CRYBG3: variants seen among roughly 807,000 people sequenced by gnomAD.
CRYBG3 encodes very large A-kinase anchor protein.
In CRYBG3, 127 loss-of-function variants were observed where a neutral mutation model predicts 244.2. The observed-to-expected ratio is 0.52, with a 90% CI of 0.45 to 0.60. CRYBG3 has a LOEUF of 0.60. Among genes scored for constraint, CRYBG3 ranks in the 20% least tolerant of loss-of-function variants. The pLI, the probability that CRYBG3 is intolerant of heterozygous loss-of-function variation, is 0.00. For synonymous variants in CRYBG3, 1,132 were observed against 1,195.8 expected (o/e 0.95, Z 1.10); for missense variants, 3,325 against 3,442.5 (o/e 0.97, Z 0.85).
Position 97,875,986 on chromosome 3 carries a change from T to C in CRYBG3, c.4792T>C (p.Tyr1598His). ...KANVFKMGEV[Y>H]QMDAESCIEK... ...TAATGTTTTTAAAATGGGAGAAGTATACCAAATGGATGCCGAGAGCTGTAT... is the reference window on the plus strand; with the variant it reads ...TAATGTTTTTAAAATGGGAGAAGTACACCAAATGGATGCCGAGAGCTGTAT... The change falls in exon 4 of 22, where the codon TAC becomes CAC. Residue 1598 changes from tyrosine to histidine, a missense_variant. By Grantham distance (83) the Tyr-to-His change is moderately conservative (BLOSUM62 2). Transcript: ENST00000389622. 1.6e-6 allele frequency: 2 copies of C among 1,232,002 alleles called. No individual in the cohort carries two copies. The highest frequency in any genetic ancestry group is 2.0e-6 in the Non-Finnish European group (2 of 987,924). 76.3% of individuals were successfully genotyped at this position (1,232,002 alleles called of 1,614,324 possible).
chr3:97,884,074 T>A (rs966410040), intron 7 of CRYBG3, among the ~76,000 whole-genome samples: 2 of 152,194 alleles, frequency 1.3e-5, no homozygotes, highest in African/African-American at 4.8e-5. Flanking sequence ...TTTGTTACTG[T>A]AACTCAGATC....
chr3:97,939,581 CTGAGT>C (rs1429551814), intron 19 of CRYBG3, among the ~76,000 whole-genome samples: 3 of 152,090 alleles, frequency 2.0e-5, no homozygotes, highest in Middle Eastern at 3.4e-3. Context: ...AGTACCTTGC[CTGAGT>C]TAATTGATTA....
At chr3:97,900,347 CAAAAA>C (rs2039691808) in intron 14 of CRYBG3, 101 bp from the exon 15 acceptor site, 1 of 686,274 alleles carries the variant, frequency 1.5e-6, no homozygotes, top group African/African-American at 1.8e-5. Context: ...TACTCTGTCT[CAAAAA>C]AGAAAAGAAA....
chr3:97,876,776 A>T lies in CRYBG3; in HGVS notation c.5582A>T (p.Lys1861Ile), dbSNP rs2039378029. The stretch of plus-strand genomic sequence containing the variant: ...CGTGGTGAGAATATTGGGAAACACA[A>T]AGTGTTACCCGCAGTGGTAGACATT... Reference protein sequence around the residue: ...EDRGENIGKHKVLPAVVDIEK... With the variant: ...EDRGENIGKHIVLPAVVDIEK... Residue 1861 changes from lysine (K) to isoleucine (I), a missense_variant, in exon 4 of 22, where the codon AAA becomes ATA. By Grantham distance (102) the Lys-to-Ile change is moderately radical. This residue lies in a region of CRYBG3 where 635 missense variants were observed against 771.7 expected (regional missense o/e 0.82). Coordinates refer to ENST00000389622, the MANE Select transcript of CRYBG3 (RefSeq NM_153605.4). 2 of 1,266,612 alleles carry T rather than the reference A, an allele frequency of 1.6e-6. No homozygotes were observed. Among genetic ancestry groups the T allele is most frequent in the Middle Eastern group, 3.0e-4 (1 of 3,314 alleles). 78.5% of individuals were successfully genotyped at this position (1,266,612 alleles called of 1,614,324 possible). A position where few individuals can be genotyped will look rare whatever the true frequency, so the allele number is the denominator to read the frequency against.
In CRYBG3 at chr3:97,886,709, C is replaced by T. The variant is rs1451338226; in HGVS notation, c.7231C>T (p.Pro2411Ser). 1 of 1,612,264 alleles carries T rather than the reference C, an allele frequency of 6.2e-7. No homozygotes were observed. Among genetic ancestry groups the T allele is most frequent in the Non-Finnish European group, 8.5e-7 (1 of 1,179,250 alleles). Residue 2411 changes from proline to serine, a missense_variant, in exon 8 of 22, where the codon CCC becomes TCC. Coordinates refer to ENST00000389622, the MANE Select transcript of CRYBG3 (RefSeq NM_153605.4). ...CCPVYIQRAV[P>S]NLEELNISKS... is the part of the protein sequence containing the mutation. ...TCCTGTCTACATACAGAGAGCAGTC[C>T]CCAATTTGGAAGAACTGAATATCTC...
At chr3:97,828,722 A>G (rs2038610942) in intron 1 of CRYBG3, among the ~76,000 whole-genome samples, 1 of 151,216 alleles carries the variant, frequency 6.6e-6, no homozygotes, top group South Asian at 2.1e-4. Flanking sequence ...CAGCTATTCC[A>G]GAGGCTGAGG....
chr3:97,857,028 T>A (rs2039075492), intron 2 of CRYBG3, among the ~76,000 whole-genome samples: 1 of 152,114 alleles, frequency 6.6e-6, no homozygotes. Context: ...TTTGTTGCTA[T>A]CAGTTTCCCT....
intron 6 of CRYBG3, among the ~76,000 whole-genome samples, chr3:97,880,471 C>A (rs1272299023): frequency 6.6e-6 from 1 of 152,140 alleles, no homozygotes; most frequent in Non-Finnish European, 1.5e-5. Context: ...AATGTGAAGG[C>A]CACATAGTTA....
At chr3:97,938,849 T>C (rs1429251599) in intron 19 of CRYBG3, among the ~76,000 whole-genome samples, 2 of 152,002 alleles carry the variant, frequency 1.3e-5, no homozygotes, top group South Asian at 2.1e-4. Context: ...TGAGGGATAC[T>C]GAAACATTAA....
intron 1 of CRYBG3, among the ~76,000 whole-genome samples, chr3:97,836,290 CT>C (rs2038731936): frequency 1.3e-5 from 2 of 152,148 alleles, no homozygotes; most frequent in South Asian, 4.1e-4. Context: ...AAAATACATA[CT>C]GTTTGAGTGC....
rs749569357 is a variant in CRYBG3 at position 97,872,251 on chromosome 3, A to G, written c.1057A>G (p.Asn353Asp). ...TAGGTCATCCCCTTCTTCTGTGACT[A>G]ACTCCAGCTACGATGGAGAATCTGA... is the stretch of plus-strand genomic sequence containing the variant. ...RNRSSPSSVT[N>D]SSYDGESDSQ... Residue 353 changes from asparagine to aspartate, a missense_variant, in exon 4 of 22, where the codon AAC becomes GAC. Coordinates refer to ENST00000389622, the MANE Select transcript of CRYBG3 (RefSeq NM_153605.4). 5.9e-6 allele frequency: 9 copies of G among 1,535,808 alleles called. No individual in the cohort carries two copies. The South Asian group carries it at 1.1e-4, about 18-fold the overall frequency.
chr3:97,877,736 C>T lies in CRYBG3; in HGVS notation c.6542C>T (p.Thr2181Ile). 6.2e-7 allele frequency: 1 copy of T among 1,614,114 alleles called. No individual in the cohort carries two copies. The highest frequency in any genetic ancestry group is 1.3e-5 in the African/African-American group (1 of 75,038). The change falls in exon 4 of 22, where the codon ACA becomes ATA. Residue 2181 changes from threonine to isoleucine, a missense_variant. Thr to Ile is a moderately conservative substitution (Grantham distance 89, BLOSUM62 -1). Around this residue, in one of 4 missense-constraint regions of CRYBG3, gnomAD observed 450 missense variants for 424.1 expected, o/e 1.06. Coordinates refer to ENST00000389622, the MANE Select transcript of CRYBG3 (RefSeq NM_153605.4). ...TTCCAGTTGCCAGATCCTTCCATCA[C>T]ATTTTACCCTGATGACCAGGAGAGC... ...VTFQLPDPSI[T>I]FYPDDQESVG... is the part of the protein sequence containing the mutation.
chr3:97,937,716 T>C (rs1182210886), intron 19 of CRYBG3, among the ~76,000 whole-genome samples: 1 of 152,090 alleles, frequency 6.6e-6, no homozygotes, highest in Non-Finnish European at 1.5e-5. Context: ...GTCCATGTTT[T>C]GCTCATTGCT....
rs1265607068 is a variant in CRYBG3, at chr3:97,944,169, T to G, written c.*855T>G. 2 of 151,658 alleles carry G rather than the reference T, an allele frequency of 1.3e-5. No individual in the cohort carries two copies. Among genetic ancestry groups the G allele is most frequent in the Non-Finnish European group, 1.5e-5 (1 of 67,828 alleles). 9.4% of individuals were successfully genotyped at this position (151,658 alleles called of 1,614,324 possible). On this transcript the variant is annotated 3_prime_UTR_variant, in exon 22 of 22. Coordinates refer to ENST00000389622, the MANE Select transcript of CRYBG3 (RefSeq NM_153605.4). Reference sequence around the variant, plus strand: ...ATATCCAAATTAAAACACAGTAGCATTTGAACCTTGACCTTACCATCTCTT... The same window carrying G: ...ATATCCAAATTAAAACACAGTAGCAGTTGAACCTTGACCTTACCATCTCTT...
At chr3:97,822,779 T>C (rs1477163317) in intron 1 of CRYBG3, among the ~76,000 whole-genome samples, 1 of 152,150 alleles carries the variant, frequency 6.6e-6, no homozygotes, top group African/African-American at 2.4e-5. Flanking sequence ...GCCAGGGGAA[T>C]TGGGGGCGCG....
At chr3:97,850,247 A>G (rs1368575741) in intron 2 of CRYBG3, among the ~76,000 whole-genome samples, 1 of 152,106 alleles carries the variant, frequency 6.6e-6, no homozygotes. Flanking sequence ...CATTGATACT[A>G]TATAACTCAT....
chr3:97,839,184 A>G (rs931751313), intron 1 of CRYBG3, among the ~76,000 whole-genome samples: 1 of 152,174 alleles, frequency 6.6e-6, no homozygotes, highest in Admixed American at 6.5e-5. Context: ...TTAAATTGTG[A>G]GCAAACAATA....
chr3:97,913,419 C>T (rs1394328693), intron 16 of CRYBG3, among the ~76,000 whole-genome samples: 1 of 152,172 alleles, frequency 6.6e-6, no homozygotes, highest in Non-Finnish European at 1.5e-5. Context: ...CAGGCTCTGT[C>T]CCAGCTACTG....
At chr3:97,904,984 C>T (rs377524658) in intron 15 of CRYBG3, among the ~76,000 whole-genome samples, 1,839 of 149,182 alleles carry the variant, frequency 0.012, 36 homozygotes, top group African/African-American at 0.042. Flanking sequence ...TGAGAATATG[C>T]GGTGTTTGGT....
Sources: gnomAD v4.1 joint callset for allele counts (sites outside exome capture counted in the v4.1 genomes callset) on GRCh38, gnomAD v4.1.1 for gene constraint, gnomAD v4.1.1 regional missense constraint, MANE v1.5 for transcripts, NCBI Gene and HGNC (gene_info 2026-07-23, HGNC 2026-07-21) for gene names.